The following ODAD3 variants were observed in gnomAD, a reference collection of about 807,000 sequenced individuals.
The protein encoded by ODAD3 is outer dynein arm-docking complex subunit 3.
A neutral mutation model predicts 70.9 loss-of-function variants in ODAD3; 57 were observed. The ratio of observed to expected loss-of-function variants is 0.80; its 90% CI spans 0.65 to 1.00. The LOEUF (loss-of-function observed/expected upper bound fraction) is 1.00. ODAD3 is among the 50% of genes least tolerant of loss of function. The pLI, the probability that ODAD3 is intolerant of heterozygous loss-of-function variation, is 0.00. For synonymous variants in ODAD3, 327 were observed against 315.9 expected, an observed-to-expected ratio of 1.04 and a Z score of -0.37; for missense variants, 797 against 763.9, an observed-to-expected ratio of 1.04 and a Z score of -0.51.
At chr19:11,427,537 A>G (rs1248586757) in intron 3 of ODAD3, among the ~76,000 whole-genome samples, 2 of 134,154 alleles carry the variant, frequency 1.5e-5, no homozygotes, top group African/African-American at 5.8e-5. Flanking sequence ...GCTGAAGTGT[A>G]GTGGCACGAT....
intron 3 of ODAD3, among the ~76,000 whole-genome samples, chr19:11,428,015 G>C (rs780287287): frequency 2.4e-4 from 37 of 151,844 alleles, no homozygotes; most frequent in Non-Finnish European, 4.4e-4. Context: ...CAGAAGAATG[G>C]CGAGAACCCG....
intron 6 of ODAD3, 65 bp from the exon 7 acceptor site, chr19:11,426,331 G>A (rs1048054154): frequency 9.3e-6 from 15 of 1,609,232 alleles, no homozygotes; most frequent in Non-Finnish European, 1.2e-5. Context: ...GCAGGGTGCT[G>A]GGAGATAGAT....
chr19:11,424,551 CTATGTGTATATATGTATA>C (rs1245423880), intron 7 of ODAD3, among the ~76,000 whole-genome samples: 2 of 117,656 alleles, frequency 1.7e-5, no homozygotes, highest in East Asian at 2.2e-4. Flanking sequence ...GTATATATAC[CTATGTGTATATATGTATA>C]TATGTGTATA....
Position 11,422,412 on chromosome 19 carries a change from T to C in ODAD3, c.1434+59A>G. The C allele has an allele frequency of 6.8e-7, 1 of 1,467,166 alleles. No homozygotes were observed. Among genetic ancestry groups the C allele is most frequent in the Non-Finnish European group, 9.0e-7 (1 of 1,105,310 alleles). 90.9% of individuals were successfully genotyped at this position (1,467,166 alleles called of 1,614,324 possible). Reference sequence around the variant, plus strand: ...CTGGTGTGGCAGGAACCCCGCTTCGTGGCTGCGCCTCTGCGGTCCCAGGAG... The same window carrying C: ...CTGGTGTGGCAGGAACCCCGCTTCGCGGCTGCGCCTCTGCGGTCCCAGGAG... On this transcript the variant is annotated intron_variant, in intron 10 of 12. Transcript: ENST00000356392. The surrounding 1 kb of genome is among the most constrained non-coding windows in gnomAD (Gnocchi z 4.6).
At chr19:11,435,339 T>G, upstream of ODAD3, 1 of 580,368 alleles carries the variant, frequency 1.7e-6, no homozygotes, top group East Asian at 4.5e-5. Flanking sequence ...CACGTGCTCA[T>G]TCCGTTTCCC....
At chr19:11,433,773 G>A (rs1485139078) in intron 1 of ODAD3, among the ~76,000 whole-genome samples, 4 of 151,674 alleles carry the variant, frequency 2.6e-5, no homozygotes, top group Admixed American at 6.6e-5. Flanking sequence ...CAAAAAGTAA[G>A]AAAATTAGCC....
rs1439535156 is a variant in ODAD3, at chr19:11,430,914, C to G, written c.351G>C (p.Leu117=). 3.1e-6 allele frequency: 5 copies of G among 1,613,958 alleles called. No individual in the cohort carries two copies. Among genetic ancestry groups the G allele is most frequent in the Middle Eastern group, 1.6e-4 (1 of 6,084 alleles). ...RKETKALELK[L]LDLLKGDEKV... ...TGCCCCTTACCTTGAGCAGGTCCAG[C>G]AGCTTTAGTTCCAGTGCCTTAGTCT... Residue 117 remains leucine (L), a synonymous_variant, in exon 2 of 13, where the codon CTG becomes CTC. Coordinates refer to ENST00000356392, the MANE Select transcript of ODAD3 (RefSeq NM_145045.5).
chr19:11,426,212 G>A lies in ODAD3; in HGVS notation c.895C>T (p.Arg299Cys), dbSNP rs747108388. The A allele has an allele frequency of 1.2e-5, 19 of 1,613,724 alleles. No individual in the cohort carries two copies. Among genetic ancestry groups the A allele is most frequent in the South Asian group, 3.3e-5 (3 of 91,074 alleles). ...TLVRERKKRE[R>C]YISECKKRAE... ...CGCTTCTTGCACTCACTTATGTAGC[G>A]TTCCCGCTTCTTGCGCTCTCGAACC... is the stretch of plus-strand genomic sequence containing the variant. The change falls in exon 7 of 13, where the codon CGC becomes TGC. Residue 299 changes from arginine to cysteine, a missense_variant. Arg to Cys is a radical substitution (Grantham distance 180). Coordinates refer to ENST00000356392, the MANE Select transcript of ODAD3 (RefSeq NM_145045.5).
intron 7 of ODAD3, among the ~76,000 whole-genome samples, chr19:11,425,292 T>C (rs922630001): frequency 7.0e-6 from 1 of 142,340 alleles, no homozygotes; most frequent in South Asian, 2.2e-4. Flanking sequence ...TGTACATATG[T>C]GTATATATGT....
Position 11,425,003 on chromosome 19 carries a change from GTA to G in ODAD3, c.964-976_964-975del, listed in dbSNP as rs1450918838. On this transcript the variant is annotated intron_variant, in intron 7 of 12. Transcript: ENST00000356392. ...TGTGTATATGTACATATGTGTATAT[GTA>G]TATATGTGTATATATACATATGTGC... is the stretch of plus-strand genomic sequence containing the variant. 4.0e-5 allele frequency among the ~76,000 whole-genome samples: 5 copies of G among 124,978 alleles called. 1 individual carries two copies. Among genetic ancestry groups the G allele is most frequent in the African/African-American group, 1.4e-4 (4 of 28,098 alleles). 82.0% of individuals were successfully genotyped at this position (124,978 alleles called of 152,430 possible). A position where few individuals can be genotyped will look rare whatever the true frequency, so the allele number is the denominator to read the frequency against.
chr19:11,425,109 A>ATGTGTATATGTACATATGTGTATATG (rs1969271045), intron 7 of ODAD3, among the ~76,000 whole-genome samples: 2 of 134,948 alleles, frequency 1.5e-5, no homozygotes, highest in Admixed American at 1.4e-4. Context: ...ATATGTATAT[A>ATGTGTATATGTACATATGTGTATATG]TGTGTATATG....
chr19:11,427,461 ATTTTTG>A (rs1364790789), intron 3 of ODAD3, among the ~76,000 whole-genome samples: 13 of 139,980 alleles, frequency 9.3e-5, no homozygotes, highest in African/African-American at 3.4e-4. Flanking sequence ...CGCCTGGCTA[ATTTTTG>A]TTTTTGTTTT....
At position 11,425,410 on chromosome 19, in the gene ODAD3, CAT is replaced by C. The variant is rs1169543537; in HGVS notation, c.963+732_963+733del. 1.1e-4 allele frequency among the ~76,000 whole-genome samples: 11 copies of C among 100,006 alleles called. 1 individual carries two copies. The highest frequency in any genetic ancestry group is 5.2e-4 in the South Asian group (2 of 3,810). The allele number at this position is 100,006 out of a possible 152,430, so 65.6% of individuals were successfully genotyped here. A position where few individuals can be genotyped will look rare whatever the true frequency, so the allele number is the denominator to read the frequency against. ...GTACATATGTGTATATGTATATATACATATATGTGTATATACACATATGTGTA... is the reference window on the plus strand; with the variant it reads ...GTACATATGTGTATATGTATATATACATATGTGTATATACACATATGTGTA... On this transcript the variant is annotated intron_variant, in intron 7 of 12. Transcript: ENST00000356392.
rs777859159 is a variant in ODAD3 at position 11,426,990 on chromosome 19, G to A, written c.495C>T (p.Asn165=). The part of the protein sequence containing the change: ...HRLREKVKQQ[N]ALRHQVVLRQ... ...GCAACACCACCTGGTGCCGCAGGGC[G>A]TTCTGCTGCTTCACCTTCTCCCTCA... The change falls in exon 4 of 13, where the codon AAC becomes AAT. Residue 165 remains asparagine (N), a synonymous_variant. Transcript: ENST00000356392. 8.7e-6 allele frequency: 14 copies of A among 1,605,000 alleles called. No individual in the cohort carries two copies. In the South Asian group the frequency reaches 1.3e-4, roughly 15 times the overall value.
rs1011800037 is a variant in ODAD3 at position 11,425,166 on chromosome 19, T to C, written c.963+978A>G. ...ATGTACATATGTATATATACATATGTGTATATGTACATATGTGTATATATA... is the reference window on the plus strand; with the variant it reads ...ATGTACATATGTATATATACATATGCGTATATGTACATATGTGTATATATA... On this transcript the variant is annotated intron_variant, in intron 7 of 12. Transcript: ENST00000356392. 1.5e-4 allele frequency among the ~76,000 whole-genome samples: 20 copies of C among 135,746 alleles called. 2 individuals are homozygous for C. The highest frequency in any genetic ancestry group is 5.0e-4 in the African/African-American group (17 of 33,914). 89.1% of individuals were successfully genotyped at this position (135,746 alleles called of 152,430 possible). A position where few individuals can be genotyped will look rare whatever the true frequency, so the allele number is the denominator to read the frequency against.
intron 3 of ODAD3, among the ~76,000 whole-genome samples, chr19:11,429,854 T>A (rs1365170906): frequency 2.6e-5 from 4 of 151,416 alleles, no homozygotes; most frequent in Admixed American, 6.6e-5. Flanking sequence ...TTTTTTTTTT[T>A]TAAAGAAACA....
In ODAD3 at chr19:11,426,879, C is replaced by A; in HGVS notation, c.606G>T (p.Val202=). 6.2e-7 allele frequency: 1 copy of A among 1,609,326 alleles called. No individual in the cohort carries two copies. The highest frequency in any genetic ancestry group is 8.5e-7 in the Non-Finnish European group (1 of 1,177,066). Reference sequence around the variant, plus strand: ...AGGCCTCACCCGCCCCTACCTTGGCCACCTCCGTGTGTCTGTTTTGCGCCT... The same window carrying A: ...AGGCCTCACCCGCCCCTACCTTGGCAACCTCCGTGTGTCTGTTTTGCGCCT... The part of the protein sequence containing the change: ...MAEAQNRHTE[V]AKTMRNLENR... Residue 202 remains valine (V), a synonymous_variant, in exon 4 of 13, where the codon GTG becomes GTT. Coordinates refer to ENST00000356392, the MANE Select transcript of ODAD3 (RefSeq NM_145045.5).
intron 1 of ODAD3, among the ~76,000 whole-genome samples, chr19:11,434,016 A>G (rs1045340316): frequency 1.3e-5 from 2 of 152,092 alleles, no homozygotes; most frequent in African/African-American, 4.8e-5. Flanking sequence ...CAGGAGTTCG[A>G]GACCAGCCTG....
chr19:11,426,285 A>C lies in ODAD3; in HGVS notation c.841-19T>G. ...GCTGGTTCTGGAGGGCGGGCAGGGT[A>C]GCAGGGAGACCAGCTGGCACCTACC... On this transcript the variant is annotated intron_variant, in intron 6 of 12. Coordinates refer to ENST00000356392, the MANE Select transcript of ODAD3 (RefSeq NM_145045.5). 1 of 1,613,248 alleles carries C rather than the reference A, an allele frequency of 6.2e-7. No individual in the cohort carries two copies. Among genetic ancestry groups the C allele is most frequent in the Non-Finnish European group, 8.5e-7 (1 of 1,179,716 alleles).
Sources: allele counts gnomAD v4.1 joint callset (sites outside exome capture counted in the v4.1 genomes callset), GRCh38; gene constraint gnomAD v4.1.1; non-coding constraint Gnocchi (gnomAD v3.1); transcripts MANE v1.5; gene names NCBI Gene and HGNC (gene_info 2026-07-23, HGNC 2026-07-21).